The following RNF20 variants were observed in gnomAD, a reference collection of about 807,000 sequenced individuals.
RNF20 encodes ring finger protein 20.
Under a neutral mutation model 126.2 loss-of-function variants are expected in RNF20, and 84 were observed. The ratio of observed to expected loss-of-function variants is 0.67; its 90% CI spans 0.56 to 0.80. The LOEUF (loss-of-function observed/expected upper bound fraction) is 0.80. Among genes scored for constraint, RNF20 ranks in the 30% least tolerant of loss-of-function variants. RNF20 has a pLI of 0.00. For synonymous variants in RNF20, 400 were observed against 414.3 expected, an observed-to-expected ratio of 0.97 and a Z score of 0.42; for missense variants, 869 against 1,188.2, an observed-to-expected ratio of 0.73 and a Z score of 3.95.
chr9:101,557,320 C>A (rs962188489), intron 15 of RNF20, 64 bp from the exon 16 acceptor site: 39 of 1,231,976 alleles, frequency 3.2e-5, no homozygotes, highest in Admixed American at 1.3e-4. Flanking sequence ...AATTTAGTTT[C>A]CTGTGCTCTT....
intron 15 of RNF20, among the ~76,000 whole-genome samples, chr9:101,555,126 C>G: frequency 6.6e-6 from 1 of 151,924 alleles, no homozygotes; most frequent in Non-Finnish European, 1.5e-5. Context: ...AAGATCTAGT[C>G]TTTCTTTGCT....
In RNF20 at chr9:101,552,621, G is replaced by A; in HGVS notation, c.1769G>A (p.Arg590Lys). 1.3e-6 allele frequency: 2 copies of A among 1,529,918 alleles called. No individual in the cohort carries two copies. Among genetic ancestry groups the A allele is most frequent in the Non-Finnish European group, 1.8e-6 (2 of 1,103,376 alleles). 94.8% of individuals were successfully genotyped at this position (1,529,918 alleles called of 1,614,324 possible). The change falls in exon 13 of 20, where the codon AGA becomes AAA. Residue 590 changes from arginine (R) to lysine (K), a missense_variant. Coordinates refer to ENST00000389120, the MANE Select transcript of RNF20 (RefSeq NM_019592.7). ...REREREKEKEREREKQKLKES... is the reference protein window; with the variant it reads ...REREREKEKEKEREKQKLKES... ...AGAGAACGGGAGAAGGAGAAGGAGAGAGAACGAGAGAAGCAGAAGCTAAAA... is the reference window on the plus strand; with the variant it reads ...AGAGAACGGGAGAAGGAGAAGGAGAAAGAACGAGAGAAGCAGAAGCTAAAA...
rs1395212866 is a variant in RNF20, at chr9:101,540,256, G to A, written c.183G>A (p.Met61Ile). The change falls in exon 3 of 20, where the codon ATG (methionine) becomes ATA (isoleucine). Residue 61 changes from methionine to isoleucine, a missense_variant. This residue lies in a region of RNF20 where 157 missense variants were observed against 236.0 expected (regional missense o/e 0.67). Coordinates refer to ENST00000389120, the MANE Select transcript of RNF20 (RefSeq NM_019592.7). ...CCAAAAATCGCAAGCTGGCAGAAAT[G>A]TTGGATCAGCGGCAGGCCATTGAAG... Reference protein sequence around the residue: ...LQTKNRKLAEMLDQRQAIEDE... With the variant: ...LQTKNRKLAEILDQRQAIEDE... The A allele has an allele frequency of 6.2e-7, 1 of 1,614,212 alleles. No homozygotes were observed. The highest frequency in any genetic ancestry group is 8.5e-7 in the Non-Finnish European group (1 of 1,180,022).
chr9:101,554,632 T>G, intron 14 of RNF20, 62 bp from the exon 15 acceptor site: 1 of 1,421,202 alleles, frequency 7.0e-7, no homozygotes, highest in Non-Finnish European at 9.8e-7. Context: ...TGCACAGTAT[T>G]AATTGATTTT....
intron 2 of RNF20, among the ~76,000 whole-genome samples, chr9:101,539,976 A>G (rs1022303506): frequency 3.3e-5 from 5 of 151,950 alleles, no homozygotes; most frequent in Non-Finnish European, 5.9e-5. Flanking sequence ...GAACAGCGAG[A>G]TGGGTTGAGG....
Position 101,535,437 on chromosome 9 carries a change from G to T in RNF20, c.14G>T (p.Gly5Val), listed in dbSNP as rs780116399. Reference sequence around the variant, plus strand: ...TCTTCTGCCAAAATGTCAGGAATTGGAAATAAAAGAGCAGCTGGAGAACCT... The same window carrying T: ...TCTTCTGCCAAAATGTCAGGAATTGTAAATAAAAGAGCAGCTGGAGAACCT... Reference protein sequence around the residue: MSGIGNKRAAGEPGT... With the variant: MSGIVNKRAAGEPGT... The change falls in exon 2 of 20, where the codon GGA becomes GTA. Residue 5 changes from glycine (G) to valine (V), a missense_variant. Coordinates refer to ENST00000389120, the MANE Select transcript of RNF20 (RefSeq NM_019592.7). 6.2e-7 allele frequency: 1 copy of T among 1,612,680 alleles called. No homozygotes were observed. The highest frequency in any genetic ancestry group is 1.7e-5 in the Admixed American group (1 of 59,684).
chr9:101,552,055 T>A, intron 11 of RNF20, 86 bp from the exon 12 acceptor site: 1 of 1,521,074 alleles, frequency 6.6e-7, no homozygotes, highest in Non-Finnish European at 9.0e-7. Flanking sequence ...TATTTCTCAG[T>A]GCCTCCTGAT....
intron 10 of RNF20, 152 bp from the exon 11 acceptor site, chr9:101,551,532 G>A (rs1827444507): frequency 9.2e-6 from 3 of 325,706 alleles, no homozygotes; most frequent in Non-Finnish European, 1.5e-5. Flanking sequence ...TTATTTTTCA[G>A]TATCCTGTCA....
intron 9 of RNF20, among the ~76,000 whole-genome samples, chr9:101,549,344 G>A (rs1564109772): frequency 6.6e-6 from 1 of 152,186 alleles, no homozygotes; most frequent in Non-Finnish European, 1.5e-5. Flanking sequence ...AGAGGAGACA[G>A]AGAGAGAAAC....
At chr9:101,552,960 C>T (rs375690053) in intron 13 of RNF20, among the ~76,000 whole-genome samples, 73 of 152,230 alleles carry the variant, frequency 4.8e-4, no homozygotes, top group African/African-American at 1.6e-3. Context: ...CGAGTATCAG[C>T]AAACCGATGA....
rs533464060 is a variant in RNF20, at chr9:101,553,694, G to A, written c.1902-294G>A. ...ACCTACTGAATCTCAGTTACCCAGG[G>A]TTGGGGGCCACAGAAATTTGCCTAT... On this transcript the variant is annotated intron_variant, in intron 13 of 19. Transcript: ENST00000389120. 7.9e-5 allele frequency among the ~76,000 whole-genome samples: 12 copies of A among 152,148 alleles called. No homozygotes were observed. The South Asian group carries it at 2.5e-3, about 32-fold the overall frequency.
intron 16 of RNF20, 40 bp downstream of exon 16, chr9:101,557,636 G>C: frequency 6.9e-7 from 1 of 1,453,666 alleles, no homozygotes; most frequent in Non-Finnish European, 9.6e-7. Context: ...TGTTGAAATA[G>C]GGTGCTTTCT....
intron 1 of RNF20, among the ~76,000 whole-genome samples, chr9:101,534,883 A>T (rs187863383): frequency 6.6e-6 from 1 of 150,572 alleles, no homozygotes; most frequent in Non-Finnish European, 1.5e-5. Flanking sequence ...AGAAATTTAT[A>T]GTCATGTAAA....
chr9:101,554,127 T>A, intron 14 of RNF20, 22 bp downstream of exon 14: 1 of 1,298,170 alleles, frequency 7.7e-7, no homozygotes, highest in Non-Finnish European at 1.1e-6. Flanking sequence ...TGCTATTACC[T>A]GTCCTTCTGG....
intron 16 of RNF20, 57 bp from the exon 17 acceptor site, chr9:101,560,743 GT>G (rs887962055): frequency 4.6e-6 from 7 of 1,508,644 alleles, no homozygotes; most frequent in Middle Eastern, 1.8e-4. Flanking sequence ...TAACAGAATA[GT>G]TTTTTTTCTT....
At chr9:101,550,485 A>G in intron 9 of RNF20, 121 bp from the exon 10 acceptor site, 1 of 808,046 alleles carries the variant, frequency 1.2e-6, no homozygotes, top group Non-Finnish European at 2.0e-6. Context: ...AGATAACTTA[A>G]TAATCTTTAT....
chr9:101,534,267 G>A (rs1827149331), intron 1 of RNF20: 1 of 152,178 alleles, frequency 6.6e-6, no homozygotes, highest in Non-Finnish European at 1.5e-5. Flanking sequence ...AAGTGCTTTA[G>A]CATCCATTCC....
Position 101,562,302 on chromosome 9 carries a change from G to A in RNF20, c.2808G>A (p.Lys936=), listed in dbSNP as rs190535471. 14 of 1,614,076 alleles carry A rather than the reference G, an allele frequency of 8.7e-6. No individual in the cohort carries two copies. The highest frequency in any genetic ancestry group is 1.7e-5 in the Admixed American group (1 of 59,998). ...GTAAAAAGGATGCTGTTCTTACTAAGTGTTTTCATGTCTTCTGCTTTGAGT... is the reference window on the plus strand; with the variant it reads ...GTAAAAAGGATGCTGTTCTTACTAAATGTTTTCATGTCTTCTGCTTTGAGT... The part of the protein sequence containing the change: ...NMRKKDAVLT[K]CFHVFCFECV... The change falls in exon 20 of 20, where the codon AAG becomes AAA. Residue 936 remains lysine, a synonymous_variant. Transcript: ENST00000389120.
chr9:101,562,440 A>G lies in RNF20; in HGVS notation c.*18A>G. The G allele has an allele frequency of 6.2e-7, 1 of 1,603,822 alleles. No individual in the cohort carries two copies. Among genetic ancestry groups the G allele is most frequent in the Non-Finnish European group, 8.5e-7 (1 of 1,174,936 alleles). On this transcript the variant is annotated 3_prime_UTR_variant, in exon 20 of 20. Transcript: ENST00000389120. ...TTGGTTGATCTAAGTCAAGAGAAGA[A>G]GAGGAGCTGGCTAGTCAGGAACTTA...
Sources: allele counts gnomAD v4.1 joint callset (sites outside exome capture counted in the v4.1 genomes callset), GRCh38; gene constraint gnomAD v4.1.1; regional missense constraint gnomAD v4.1.1; transcripts MANE v1.5; gene names NCBI Gene and HGNC (gene_info 2026-07-23, HGNC 2026-07-21).